The following DGKI variants were observed in gnomAD, a reference collection of about 807,000 sequenced individuals.
DGKI encodes the protein diacylglycerol kinase iota.
A neutral mutation model predicts 147.5 loss-of-function variants in DGKI; 55 were observed. The observed-to-expected ratio is 0.37, with a 90% confidence interval of 0.30 to 0.47. The LOEUF is 0.47. Ranked by LOEUF, DGKI falls within the 20% of genes least tolerant of loss-of-function variation. The pLI is 1.00. For missense variants in DGKI, 1,007 were observed against 1,323.8 expected, an observed-to-expected ratio of 0.76 and a Z score of 3.71; for synonymous variants, 469 against 477.1, an observed-to-expected ratio of 0.98 and a Z score of 0.22.
chr7:137,427,097 AT>A (rs1365340497), intron 28 of DGKI, among the ~76,000 whole-genome samples: 1 of 151,838 alleles, frequency 6.6e-6, no homozygotes, highest in East Asian at 1.9e-4. Flanking sequence ...CAGAATATAC[AT>A]TTTTTTCAGC....
intron 27 of DGKI, chr7:137,453,041 C>A (rs1448820384): frequency 6.6e-6 from 1 of 152,240 alleles, no homozygotes; most frequent in African/African-American, 2.4e-5. Context: ...TCTCCAGGCA[C>A]ATTTCAACGG....
intron 23 of DGKI, among the ~76,000 whole-genome samples, chr7:137,482,461 A>G (rs369096961): frequency 6.6e-6 from 1 of 151,702 alleles, no homozygotes; most frequent in Non-Finnish European, 1.5e-5. Context: ...CCATTCATCC[A>G]TTTGCTGATG....
intron 6 of DGKI, among the ~76,000 whole-genome samples, chr7:137,636,302 A>C (rs1821310296): frequency 6.6e-6 from 1 of 152,208 alleles, no homozygotes; most frequent in East Asian, 1.9e-4. Context: ...TAAGTGGTTG[A>C]GGAGAGAGAT....
chr7:137,585,656 C>T (rs539789075), intron 13 of DGKI, among the ~76,000 whole-genome samples: 1 of 152,282 alleles, frequency 6.6e-6, no homozygotes, highest in South Asian at 2.1e-4. Flanking sequence ...GAGTAAAAAA[C>T]AGGACTCCCC....
intron 6 of DGKI, among the ~76,000 whole-genome samples, chr7:137,627,838 A>G (rs1456000912): frequency 6.6e-6 from 1 of 152,216 alleles, no homozygotes; most frequent in Non-Finnish European, 1.5e-5. Flanking sequence ...CCATTCTTGG[A>G]TCTTCTTGTT....
At chr7:137,649,471 A>T (rs965245939) in intron 5 of DGKI, among the ~76,000 whole-genome samples, 18 of 152,192 alleles carry the variant, frequency 1.2e-4, no homozygotes, top group Admixed American at 9.2e-4. Context: ...TGAATTATTC[A>T]TAAACAACTT....
chr7:137,518,229 C>G (rs1037997536), intron 21 of DGKI, among the ~76,000 whole-genome samples: 1 of 152,018 alleles, frequency 6.6e-6, no homozygotes, highest in South Asian at 2.1e-4. Context: ...TACATTTAAC[C>G]CTCAGCACTG....
At chr7:137,720,925 C>T (rs1248990547) in intron 1 of DGKI, among the ~76,000 whole-genome samples, 1 of 152,148 alleles carries the variant, frequency 6.6e-6, no homozygotes, top group African/African-American at 2.4e-5. Flanking sequence ...AGCCCTGTTA[C>T]AAAATTTTAT....
At chr7:137,579,357 T>A (rs1005752800) in intron 15 of DGKI, among the ~76,000 whole-genome samples, 2 of 151,888 alleles carry the variant, frequency 1.3e-5, no homozygotes, top group African/African-American at 4.8e-5. Flanking sequence ...CTTATCCTGT[T>A]TTTTCTTCTA....
intron 30 of DGKI, among the ~76,000 whole-genome samples, chr7:137,402,173 T>C (rs1205339630): frequency 2.0e-5 from 3 of 152,222 alleles, no homozygotes; most frequent in African/African-American, 4.8e-5. Flanking sequence ...AACTTTTTTT[T>C]CCTCAAAAGT....
At chr7:137,690,111 T>C (rs1346728699) in intron 1 of DGKI, 109 bp from the exon 2 acceptor site, 1 of 665,322 alleles carries the variant, frequency 1.5e-6, no homozygotes, top group Non-Finnish European at 2.4e-6. Flanking sequence ...AGTTAGCCTC[T>C]TCCACATCTG....
chr7:137,647,438 T>C lies in DGKI; in HGVS notation c.739-1901A>G, dbSNP rs140473893. 4.6e-3 allele frequency among the ~76,000 whole-genome samples: 698 copies of C among 152,300 alleles called. 7 individuals are homozygous for C. Among genetic ancestry groups the C allele is most frequent in the African/African-American group, 0.016 (669 of 41,576 alleles). On this transcript the variant is annotated intron_variant, in intron 5 of 32. Coordinates refer to ENST00000614521, the MANE Select transcript of DGKI (RefSeq NM_001321708.2). The stretch of plus-strand genomic sequence containing the variant: ...GATCCTATTCCAATGATCTCTCTCT[T>C]CTGAAAACAAATCATGCTGTCTGAG...
intron 27 of DGKI, among the ~76,000 whole-genome samples, chr7:137,461,494 T>A (rs1409693091): frequency 6.6e-6 from 1 of 152,184 alleles, no homozygotes; most frequent in Non-Finnish European, 1.5e-5. Context: ...AAGAAATAAA[T>A]GGACATAATA....
intron 20 of DGKI, among the ~76,000 whole-genome samples, chr7:137,526,861 G>A (rs142485482): frequency 6.6e-6 from 1 of 151,958 alleles, no homozygotes; most frequent in African/African-American, 2.4e-5. Flanking sequence ...TATTCCTCTC[G>A]GACTGATAAG....
chr7:137,760,476 TA>T (rs2116802690), intron 1 of DGKI, among the ~76,000 whole-genome samples: 1 of 152,236 alleles, frequency 6.6e-6, no homozygotes, highest in South Asian at 2.1e-4. Context: ...CCCTGAGGGA[TA>T]AAAGGAAAGA....
At chr7:137,601,516 A>G (rs1819991359) in intron 10 of DGKI, among the ~76,000 whole-genome samples, 2 of 152,254 alleles carry the variant, frequency 1.3e-5, no homozygotes, top group Non-Finnish European at 2.9e-5. Flanking sequence ...TACTGGACAT[A>G]GTATGAGATT....
chr7:137,809,438 G>A (rs1415589175), intron 1 of DGKI, among the ~76,000 whole-genome samples: 2 of 152,160 alleles, frequency 1.3e-5, no homozygotes, highest in East Asian at 1.9e-4. Flanking sequence ...TATGTGCCTA[G>A]TGTTTAAGAG....
rs1044439733 is a variant in DGKI at position 137,466,953 on chromosome 7, A to T, written c.2444-11T>A. 3.7e-6 allele frequency: 6 copies of T among 1,613,952 alleles called. No individual in the cohort carries two copies. Among genetic ancestry groups the T allele is most frequent in the Non-Finnish European group, 3.4e-6 (4 of 1,179,950 alleles). On this transcript the variant is annotated splice_polypyrimidine_tract_variant and intron_variant, in intron 24 of 32. Transcript: ENST00000614521. ...GATCAGCAGAAGTTGCTAGGGGAAA[A>T]AAAATGCAGATGGCATTCAGAATGT...
intron 24 of DGKI, among the ~76,000 whole-genome samples, chr7:137,467,815 T>C (rs1814717126): frequency 6.6e-6 from 1 of 151,922 alleles, no homozygotes; most frequent in Non-Finnish European, 1.5e-5. Flanking sequence ...ACTTCATCTC[T>C]ACAAAAACAA....
Sources: gnomAD v4.1 joint callset for allele counts (sites outside exome capture counted in the v4.1 genomes callset) on GRCh38, gnomAD v4.1.1 for gene constraint, MANE v1.5 for transcripts, NCBI Gene and HGNC (gene_info 2026-07-23, HGNC 2026-07-21) for gene names.